Variants in GIN1 observed in about 807,000 individuals in gnomAD.
The protein encoded by GIN1 is gypsy retrotransposon integrase 1, also known as gypsy retrotransposon integrase-like protein 1.
GIN1 carries 41 observed loss-of-function variants against 51.4 expected under a neutral mutation model. The ratio of observed to expected loss-of-function variants is 0.80; its 90% CI spans 0.62 to 1.04. The LOEUF (loss-of-function observed/expected upper bound fraction) is 1.04, where lower values mean the gene tolerates loss of function less well. GIN1 is among the 50% of genes least tolerant of loss of function. The probability of loss-of-function intolerance (pLI) is 0.00; values close to 1 mark genes in which losing one functional copy is unlikely to be tolerated. For synonymous variants in GIN1, 222 were observed against 206.5 expected (o/e 1.07, Z -0.64); for missense variants, 610 against 612.4 (o/e 1.00, Z 0.04).
chr5:103,110,475 T>C (rs1787848822), intron 1 of GIN1, among the ~76,000 whole-genome samples: 1 of 152,138 alleles, frequency 6.6e-6, no homozygotes, highest in Admixed American at 6.5e-5. Flanking sequence ...CAATGGTCAA[T>C]AAGCACGTGA....
At chr5:103,102,663 G>C (rs979239157) in intron 4 of GIN1, 3 of 152,172 alleles carry the variant, frequency 2.0e-5, no homozygotes, top group African/African-American at 7.2e-5. Flanking sequence ...AGTAATTCCA[G>C]CACTCTGGGA....
intron 7 of GIN1, among the ~76,000 whole-genome samples, chr5:103,089,627 T>C (rs1341271098): frequency 6.6e-6 from 1 of 152,118 alleles, no homozygotes; most frequent in Non-Finnish European, 1.5e-5. Context: ...TGGCTAATTG[T>C]GTTGCCTAGG....
At chr5:103,096,865 A>C in intron 6 of GIN1, 39 bp from the exon 7 acceptor site, 1 of 1,300,538 alleles carries the variant, frequency 7.7e-7, no homozygotes, top group Non-Finnish European at 1.1e-6. Flanking sequence ...GAGATGAAAG[A>C]GCTATAATAT....
At chr5:103,096,912 A>G in intron 6 of GIN1, 86 bp from the exon 7 acceptor site, 1 of 809,988 alleles carries the variant, frequency 1.2e-6, no homozygotes, top group South Asian at 1.7e-5. Flanking sequence ...ATATTGTAAC[A>G]AAATGGTACT....
At chr5:103,101,811 T>C (rs1787582835) in intron 4 of GIN1, among the ~76,000 whole-genome samples, 1 of 152,246 alleles carries the variant, frequency 6.6e-6, no homozygotes, top group African/African-American at 2.4e-5. Flanking sequence ...ATCGTATACA[T>C]TATTAATAAA....
rs782409280 is a variant in GIN1, at chr5:103,106,761, T to G, written c.288A>C (p.Glu96Asp). Residue 96 changes from glutamate (E) to aspartate (D), a missense_variant, in exon 3 of 8, where the codon GAA becomes GAC. By Grantham distance (45) the Glu-to-Asp change is conservative. Coordinates refer to ENST00000399004, the MANE Select transcript of GIN1 (RefSeq NM_017676.2). ...HGISRTLTLV[E>D]SNYYWTSVTN... Reference sequence around the variant, plus strand: ...TCACAGATGTCCAATAATAATTGGATTCTACCAGAGTGAGGGTCCTGGATA... The same window carrying G: ...TCACAGATGTCCAATAATAATTGGAGTCTACCAGAGTGAGGGTCCTGGATA... 6.2e-7 allele frequency: 1 copy of G among 1,602,914 alleles called. No homozygotes were observed. Among genetic ancestry groups the G allele is most frequent in the South Asian group, 1.1e-5 (1 of 88,942 alleles).
intron 4 of GIN1, among the ~76,000 whole-genome samples, chr5:103,100,974 C>T (rs1029344804): frequency 1.3e-5 from 2 of 151,966 alleles, no homozygotes; most frequent in Non-Finnish European, 1.5e-5. Context: ...GTTTCAAGGC[C>T]CCTAGTGAAT....
At chr5:103,093,371 T>G (rs1216196857) in intron 7 of GIN1, among the ~76,000 whole-genome samples, 2 of 152,154 alleles carry the variant, frequency 1.3e-5, no homozygotes, top group East Asian at 3.9e-4. Context: ...TATTGTTGGC[T>G]TTGAAGATAG....
intron 1 of GIN1, among the ~76,000 whole-genome samples, chr5:103,114,952 G>A (rs1189454306): frequency 6.6e-6 from 1 of 152,138 alleles, no homozygotes; most frequent in Non-Finnish European, 1.5e-5. Context: ...ATACAGTATA[G>A]TTACAGTATA....
At chr5:103,098,816 A>C (rs569146271) in intron 4 of GIN1, among the ~76,000 whole-genome samples, 23 of 152,312 alleles carry the variant, frequency 1.5e-4, no homozygotes, top group African/African-American at 4.8e-4. Context: ...CTAGGTCATA[A>C]GTTAATGTTT....
At chr5:103,093,791 T>C (rs1278912889) in intron 7 of GIN1, among the ~76,000 whole-genome samples, 1 of 152,168 alleles carries the variant, frequency 6.6e-6, no homozygotes, top group African/African-American at 2.4e-5. Flanking sequence ...AAAGACACTA[T>C]GGTATTTTAA....
At chr5:103,098,931 T>A (rs1026935377) in intron 4 of GIN1, among the ~76,000 whole-genome samples, 1 of 152,220 alleles carries the variant, frequency 6.6e-6, no homozygotes, top group South Asian at 2.1e-4. Flanking sequence ...AAAATGAGTT[T>A]ACAAAACTTT....
rs1554195267 is a variant in GIN1, at chr5:103,097,589, C to T, written c.831+1G>A. On this transcript the variant is annotated splice_donor_variant, in intron 5 of 7. Coordinates refer to ENST00000399004, the MANE Select transcript of GIN1 (RefSeq NM_017676.2). LOFTEE classifies it high-confidence loss of function. The stretch of plus-strand genomic sequence containing the variant: ...GTACAGAATTATAAAAAGGCACATA[C>T]CAAGTGAGTTACATTGAAGGCAAAT... 2 of 1,590,514 alleles carry T rather than the reference C, an allele frequency of 1.3e-6. No homozygotes were observed. The highest frequency in any genetic ancestry group is 1.7e-6 in the Non-Finnish European group (2 of 1,159,384).
chr5:103,107,527 G>A (rs1787760970), intron 2 of GIN1, among the ~76,000 whole-genome samples: 1 of 152,066 alleles, frequency 6.6e-6, no homozygotes, highest in South Asian at 2.1e-4. Context: ...TTTCCAATGT[G>A]AATGGGCTAG....
chr5:103,117,788 A>G (rs934785942), intron 1 of GIN1, among the ~76,000 whole-genome samples: 3 of 152,222 alleles, frequency 2.0e-5, no homozygotes, highest in Admixed American at 1.3e-4. Context: ...TATCCATTTT[A>G]CAGGTAGGAA....
At position 103,104,671 on chromosome 5, in the gene GIN1, T is replaced by C. The variant is rs1554196088; in HGVS notation, c.509A>G (p.Lys170Arg). The change falls in exon 4 of 8, where the codon AAA becomes AGA. Residue 170 changes from lysine to arginine, a missense_variant. By Grantham distance (26) the Lys-to-Arg change is conservative (BLOSUM62 2). Coordinates refer to ENST00000399004, the MANE Select transcript of GIN1 (RefSeq NM_017676.2). ...YAIIMTDLFT[K>R]WIVILPLCDV... ...ACATAGAGGCAAAATCACAATCCAT[T>C]TGGTGAACAAATCTGTCATGATTAT... 1.9e-6 allele frequency: 3 copies of C among 1,612,196 alleles called. No homozygotes were observed. Among genetic ancestry groups the C allele is most frequent in the African/African-American group, 1.3e-5 (1 of 74,896 alleles).
Position 103,117,375 on chromosome 5 carries a change from T to C in GIN1, c.-8+2689A>G, listed in dbSNP as rs1554197492. 9.7e-4 allele frequency among the ~76,000 whole-genome samples: 4 copies of C among 4,122 alleles called. 1 individual carries two copies. The Admixed American group carries it at 0.015, about 15-fold the overall frequency. 2.7% of individuals were successfully genotyped at this position (4,122 alleles called of 152,430 possible). A position where few individuals can be genotyped will look rare whatever the true frequency, so the allele number is the denominator to read the frequency against. The stretch of plus-strand genomic sequence containing the variant: ...GGAAATAATTTTAAAAAATTAAAAA[T>C]TTTAAAAACAATGCCAACGCAATTG... On this transcript the variant is annotated intron_variant, in intron 1 of 7. Transcript: ENST00000399004.
intron 4 of GIN1, among the ~76,000 whole-genome samples, chr5:103,099,519 T>C (rs1554195537): frequency 1.3e-5 from 2 of 152,194 alleles, no homozygotes. Flanking sequence ...TAGGTGTCAT[T>C]TGGGTCAGCT....
chr5:103,091,802 A>T (rs1182617841), intron 7 of GIN1, among the ~76,000 whole-genome samples: 2 of 152,018 alleles, frequency 1.3e-5, no homozygotes, highest in African/African-American at 4.8e-5. Flanking sequence ...AGGCGGGTGG[A>T]TCACTTGATG....
Sources: gnomAD v4.1 joint callset for allele counts (sites outside exome capture counted in the v4.1 genomes callset) on GRCh38, gnomAD v4.1.1 for gene constraint, MANE v1.5 for transcripts, NCBI Gene and HGNC (gene_info 2026-07-23, HGNC 2026-07-21) for gene names.